The following WRN variants were observed in gnomAD, a reference collection of about 807,000 sequenced individuals.
WRN encodes the protein bifunctional 3'-5' exonuclease/ATP-dependent helicase WRN.
WRN carries 149 observed loss-of-function variants against 180.7 expected under a neutral mutation model. The ratio of observed to expected loss-of-function variants is 0.82; its 90% CI spans 0.72 to 0.94. The LOEUF is 0.94. Ranked by LOEUF, WRN falls within the 40% of genes least tolerant of loss-of-function variation. WRN has a pLI of 0.00. For synonymous variants in WRN, 548 were observed against 568.9 expected (o/e 0.96, Z 0.52); for missense variants, 1,661 against 1,700.1 (o/e 0.98, Z 0.40).
At chr8:31,097,423 G>A (rs1398003205) in intron 17 of WRN, among the ~76,000 whole-genome samples, 1 of 152,074 alleles carries the variant, frequency 6.6e-6, no homozygotes, top group Non-Finnish European at 1.5e-5. Flanking sequence ...TATATAGCCC[G>A]GGTTGGAAAC....
chr8:31,083,056 T>G (rs1365443861), intron 9 of WRN, among the ~76,000 whole-genome samples: 3 of 152,234 alleles, frequency 2.0e-5, no homozygotes, highest in Admixed American at 2.0e-4. Flanking sequence ...TTTAAATATT[T>G]GGCATTTTTT....
chr8:31,042,503 C>G (rs1811698158), intron 1 of WRN, among the ~76,000 whole-genome samples: 1 of 152,144 alleles, frequency 6.6e-6, no homozygotes, highest in African/African-American at 2.4e-5. Flanking sequence ...AATAGTCAGC[C>G]CTTCATGGAC....
At chr8:31,086,630 T>A (rs11574237) in intron 11 of WRN, among the ~76,000 whole-genome samples, 11,690 of 152,174 alleles carry the variant, frequency 0.077, 508 homozygotes, top group African/African-American at 0.13. Context: ...TGTAGGTTTG[T>A]ATCCCAGCTT....
At chr8:31,075,677 G>A (rs1813068648) in intron 7 of WRN, among the ~76,000 whole-genome samples, 2 of 150,776 alleles carry the variant, frequency 1.3e-5, no homozygotes, top group Non-Finnish European at 1.5e-5. Flanking sequence ...CCGAGATTGC[G>A]CCACTGCATT....
intron 1 of WRN, among the ~76,000 whole-genome samples, chr8:31,056,252 T>C (rs549717422): frequency 1.3e-5 from 2 of 152,326 alleles, no homozygotes; most frequent in South Asian, 4.1e-4. Context: ...ATTTTGCCAA[T>C]GAGGTCTACT....
At chr8:31,136,812 G>C (rs1563373501) in intron 24 of WRN, among the ~76,000 whole-genome samples, 1 of 151,616 alleles carries the variant, frequency 6.6e-6, no homozygotes, top group Non-Finnish European at 1.5e-5. Flanking sequence ...ACTCCAGCCT[G>C]GGTGACAGAG....
At chr8:31,112,453 A>G (rs1463184471) in intron 19 of WRN, among the ~76,000 whole-genome samples, 1 of 152,214 alleles carries the variant, frequency 6.6e-6, no homozygotes, top group African/African-American at 2.4e-5. Context: ...ATAACTGCTC[A>G]GTAAGTTACG....
chr8:31,099,321 A>G (rs1377139042), intron 17 of WRN, among the ~76,000 whole-genome samples: 4 of 151,574 alleles, frequency 2.6e-5, no homozygotes, highest in Non-Finnish European at 4.4e-5. Context: ...GGAGAATGGC[A>G]TGAACCCGGG....
chr8:31,147,603 T>C, intron 30 of WRN, 127 bp downstream of exon 30: 1 of 828,688 alleles, frequency 1.2e-6, no homozygotes, highest in Non-Finnish European at 2.0e-6. Context: ...AGATTCCCCC[T>C]GCTGCGATGC....
chr8:31,162,329 A>T (rs887710753), intron 33 of WRN, among the ~76,000 whole-genome samples: 1 of 152,004 alleles, frequency 6.6e-6, no homozygotes, highest in Non-Finnish European at 1.5e-5. Flanking sequence ...CAAGACAAAA[A>T]CCCACACATC....
intron 5 of WRN, among the ~76,000 whole-genome samples, chr8:31,066,080 C>A (rs970241870): frequency 2.6e-5 from 4 of 151,792 alleles, no homozygotes; most frequent in African/African-American, 9.7e-5. Flanking sequence ...GTTTCTCCAT[C>A]TTGGTCAGGC....
chr8:31,159,717 ATGACT>A (rs1260971148), intron 33 of WRN, among the ~76,000 whole-genome samples: 4 of 151,958 alleles, frequency 2.6e-5, no homozygotes, highest in Non-Finnish European at 5.9e-5. Flanking sequence ...AGACGGGCAG[ATGACT>A]TGACTTGAGG....
At chr8:31,147,897 T>C (rs1802929825) in intron 30 of WRN, among the ~76,000 whole-genome samples, 1 of 151,218 alleles carries the variant, frequency 6.6e-6, no homozygotes, top group South Asian at 2.1e-4. Context: ...TTTTTTTTTT[T>C]TTTTGTCTGA....
intron 3 of WRN, 51 bp from the exon 4 acceptor site, chr8:31,064,238 G>T (rs780286946): frequency 1.9e-6 from 3 of 1,606,496 alleles, no homozygotes; most frequent in South Asian, 2.2e-5. Context: ...TAGTTATGCA[G>T]AAGTTTAAAA....
chr8:31,092,926 G>A (rs572993758), intron 16 of WRN, among the ~76,000 whole-genome samples: 1 of 152,018 alleles, frequency 6.6e-6, no homozygotes, highest in Non-Finnish European at 1.5e-5. Context: ...TGTATCAGTA[G>A]TTTTTTGTTT....
chr8:31,143,777 T>C (rs1802755275), intron 28 of WRN, among the ~76,000 whole-genome samples, 154 bp downstream of exon 28: 1 of 152,152 alleles, frequency 6.6e-6, no homozygotes, highest in Non-Finnish European at 1.5e-5. Flanking sequence ...CAAAGTGAGC[T>C]ATAAAAGAAT....
At chr8:31,092,183 G>A (rs111680622) in intron 16 of WRN, among the ~76,000 whole-genome samples, 5 of 151,830 alleles carry the variant, frequency 3.3e-5, no homozygotes, top group Non-Finnish European at 7.4e-5. Context: ...TGTTATTCTC[G>A]GTTCTTGGGC....
At chr8:31,170,902 G>A (rs1050147579) in intron 34 of WRN, among the ~76,000 whole-genome samples, 9 of 152,166 alleles carry the variant, frequency 5.9e-5, no homozygotes, top group Non-Finnish European at 1.0e-4. Context: ...TATAAATGCT[G>A]ATGATCATAT....
chr8:31,075,567 A>G lies in WRN; in HGVS notation c.725-606A>G, dbSNP rs991807997. Among the ~76,000 whole-genome samples, 8 of 152,138 alleles carry G rather than the reference A, an allele frequency of 5.3e-5. No individual in the cohort carries two copies. The South Asian group carries it at 1.7e-3, about 32-fold the overall frequency. On this transcript the variant is annotated intron_variant, in intron 7 of 34. Transcript: ENST00000298139. ...CTCTACTAGAAATACAAAAAAAAAA[A>G]AAATTAGCTGGTCGTGGTGGCACAT...
Sources: allele counts gnomAD v4.1 joint callset (sites outside exome capture counted in the v4.1 genomes callset), GRCh38; gene constraint gnomAD v4.1.1; transcripts MANE v1.5; gene names NCBI Gene and HGNC (gene_info 2026-07-23, HGNC 2026-07-21).